The following CEP97 variants were observed in gnomAD, a reference collection of about 807,000 sequenced individuals.
CEP97 encodes centrosomal protein of 97 kDa.
In CEP97, 43 loss-of-function variants were observed where a neutral mutation model predicts 73.1. The ratio of observed to expected loss-of-function variants is 0.59; its 90% CI spans 0.46 to 0.76. CEP97 has a LOEUF of 0.76. Among genes scored for constraint, CEP97 ranks in the 30% least tolerant of loss-of-function variants. The pLI is 0.00. For synonymous variants in CEP97, 337 were observed against 370.0 expected (o/e 0.91, Z 1.02); for missense variants, 939 against 1,014.0 (o/e 0.93, Z 1.00).
chr3:101,745,282 A>G (rs758460417), intron 6 of CEP97, among the ~76,000 whole-genome samples: 73 of 152,240 alleles, frequency 4.8e-4, no homozygotes, highest in Non-Finnish European at 9.3e-4. Context: ...ATTTTCAGAG[A>G]TGGGGTCTCA....
chr3:101,755,636 A>G lies in CEP97; in HGVS notation c.893+42A>G, dbSNP rs746037362. On this transcript the variant is annotated intron_variant, in intron 7 of 10. Transcript: ENST00000341893. ...CTAACAACTGATGAATTCACAAGTT[A>G]AAATACCTCTGAGTCTTTGCTATGG... The G allele has an allele frequency of 7.5e-6, 12 of 1,591,088 alleles. No individual in the cohort carries two copies. In the Admixed American group the frequency reaches 1.7e-4, roughly 22 times the overall value.
In CEP97 at chr3:101,765,115, A is replaced by G. The variant is rs994552095; in HGVS notation, c.2162A>G (p.Glu721Gly). The G allele has an allele frequency of 6.2e-7, 1 of 1,614,068 alleles. No individual in the cohort carries two copies. Among genetic ancestry groups the G allele is most frequent in the African/African-American group, 1.3e-5 (1 of 74,928 alleles). The change falls in exon 11 of 11, where the codon GAG (glutamate) becomes GGG (glycine). Residue 721 changes from glutamate to glycine, a missense_variant. Glu to Gly is a moderately conservative substitution (Grantham distance 98). Transcript: ENST00000341893. ...VHSLQHSLDF[E>G]KSSTEGSESS... ...TCATTGCAGCATTCTTTGGATTTTGAGAAAAGTTCCACAGAAGGCAGTGAA... is the reference window on the plus strand; with the variant it reads ...TCATTGCAGCATTCTTTGGATTTTGGGAAAAGTTCCACAGAAGGCAGTGAA...
At position 101,762,528 on chromosome 3, in the gene CEP97, C is replaced by T. The variant is rs1412579616; in HGVS notation, c.1861C>T (p.Gln621Ter). 2 of 1,611,006 alleles carry T rather than the reference C, an allele frequency of 1.2e-6. No homozygotes were observed. The highest frequency in any genetic ancestry group is 2.2e-5 in the East Asian group (1 of 44,704). ...TGAAGAACGTATTAAAAAATTTGTA[C>T]AAGAAGAAGCTTTCAGATTCCTTTG... ...RDEERIKKFV[Q>*]EEAFRFLWNQ... Residue 621 changes from glutamine (Q) to a stop codon, truncating the protein, a stop_gained, in exon 10 of 11, where the codon CAA becomes TAA. Transcript: ENST00000341893. LOFTEE classifies it low-confidence loss of function (END_TRUNC).
Position 101,765,088 on chromosome 3 carries a change from A to C in CEP97, c.2135A>C (p.His712Pro). ...CATTCCTCTCTAACAGAACAAGTTC[A>C]TTCATTGCAGCATTCTTTGGATTTT... ...GFHSSLTEQV[H>P]SLQHSLDFEK... The change falls in exon 11 of 11, where the codon CAT (histidine) becomes CCT (proline). Residue 712 changes from histidine (H) to proline (P), a missense_variant. His to Pro is a moderately conservative substitution (Grantham distance 77). Coordinates refer to ENST00000341893, the MANE Select transcript of CEP97 (RefSeq NM_024548.4). The C allele has an allele frequency of 6.2e-7, 1 of 1,614,202 alleles. No homozygotes were observed. The highest frequency in any genetic ancestry group is 1.1e-5 in the South Asian group (1 of 91,082).
intron 6 of CEP97, among the ~76,000 whole-genome samples, chr3:101,744,774 T>C (rs1295447781): frequency 6.6e-6 from 1 of 152,084 alleles, no homozygotes; most frequent in African/African-American, 2.4e-5. Flanking sequence ...TAAAAATCGG[T>C]GTTTGGCCTG....
chr3:101,735,633 G>A (rs1270680097), intron 6 of CEP97, among the ~76,000 whole-genome samples: 2 of 152,146 alleles, frequency 1.3e-5, no homozygotes, highest in Non-Finnish European at 2.9e-5. Context: ...AAGCCGTGAG[G>A]GACTGTGCTG....
intron 9 of CEP97, among the ~76,000 whole-genome samples, chr3:101,760,615 C>A (rs1023070333): frequency 5.3e-5 from 8 of 151,980 alleles, no homozygotes; most frequent in Non-Finnish European, 1.0e-4. Flanking sequence ...GATCATAGCT[C>A]ACTGTAATCT....
rs147345452 is a variant in CEP97, at chr3:101,758,277, A to G, written c.1671A>G (p.Lys557=). 14 of 1,614,122 alleles carry G rather than the reference A, an allele frequency of 8.7e-6. No homozygotes were observed. The African/African-American group carries it at 1.9e-4, about 22-fold the overall frequency. ...ALGQDKVALQ[K]LNDAATKLQA... ...GACAAGACAAAGTTGCCCTTCAGAA[A>G]TTAAATGATGCAGCCACCAAGCTTC... Residue 557 remains lysine (K), a synonymous_variant, in exon 9 of 11, where the codon AAA becomes AAG. Coordinates refer to ENST00000341893, the MANE Select transcript of CEP97 (RefSeq NM_024548.4).
rs929299074 is a variant in CEP97 at position 101,768,105 on chromosome 3, A to G, written c.*2554A>G. The stretch of plus-strand genomic sequence containing the variant: ...TAGTACACATCAGTTCTCTTGATTT[A>G]TGGAAGATTCAGTTTATCAATTAAG... On this transcript the variant is annotated 3_prime_UTR_variant, in exon 11 of 11. Transcript: ENST00000341893. The G allele has an allele frequency of 6.6e-6, 1 of 152,138 alleles. No individual in the cohort carries two copies. Among genetic ancestry groups the G allele is most frequent in the Non-Finnish European group, 1.5e-5 (1 of 68,014 alleles). The allele number at this position is 152,138 out of a possible 1,614,324, so 9.4% of individuals were successfully genotyped here.
chr3:101,748,933 C>A (rs1260575993), intron 6 of CEP97, among the ~76,000 whole-genome samples: 2 of 152,132 alleles, frequency 1.3e-5, no homozygotes, highest in Non-Finnish European at 2.9e-5. Context: ...AGCCACTGCG[C>A]CCGGCCCATG....
At chr3:101,754,916 G>GGGTGGACTATAAGGTT (rs1275049459) in intron 6 of CEP97, among the ~76,000 whole-genome samples, 1 of 149,172 alleles carries the variant, frequency 6.7e-6, no homozygotes, top group East Asian at 2.0e-4. Flanking sequence ...TTTTTTTGAG[G>GGGTGGACTATAAGGTT]GGTGGACTAT....
At position 101,755,771 on chromosome 3, in the gene CEP97, A is replaced by T. The variant is rs1346117081; in HGVS notation, c.893+177A>T. 2.0e-5 allele frequency among the ~76,000 whole-genome samples: 3 copies of T among 152,206 alleles called. No individual in the cohort carries two copies. In the East Asian group the frequency reaches 5.8e-4, roughly 29 times the overall value. On this transcript the variant is annotated intron_variant, in intron 7 of 10. Transcript: ENST00000341893. ...CTGAATCGTGCACTGCAAACAGCCA[A>T]ACAATATGGTATGGAGGAATAGAGG... is the stretch of plus-strand genomic sequence containing the variant.
chr3:101,737,902 A>G (rs181054584), intron 6 of CEP97, among the ~76,000 whole-genome samples: 1 of 151,812 alleles, frequency 6.6e-6, no homozygotes, highest in East Asian at 1.9e-4. Flanking sequence ...GGCAAATTGG[A>G]TAAAGAATCA....
Position 101,765,358 on chromosome 3 carries a change from T to C in CEP97, c.2405T>C (p.Ile802Thr). ...GAGACAAGAGATAGCAAACTTCACATTGCTTGTTTCCCAGTACAGTTAGAT... is the reference window on the plus strand; with the variant it reads ...GAGACAAGAGATAGCAAACTTCACACTGCTTGTTTCCCAGTACAGTTAGAT... ...DTETRDSKLH[I>T]ACFPVQLDTL... Residue 802 changes from isoleucine to threonine, a missense_variant, in exon 11 of 11, where the codon ATT (isoleucine) becomes ACT (threonine). By Grantham distance (89) the Ile-to-Thr change is moderately conservative. Transcript: ENST00000341893. The C allele has an allele frequency of 1.2e-6, 2 of 1,614,168 alleles. No homozygotes were observed. Among genetic ancestry groups the C allele is most frequent in the Non-Finnish European group, 1.7e-6 (2 of 1,180,026 alleles).
intron 6 of CEP97, among the ~76,000 whole-genome samples, chr3:101,752,541 C>G (rs114113272): frequency 0.064 from 9,752 of 152,128 alleles, 331 homozygotes; most frequent in Middle Eastern, 0.12. Context: ...CTAATCAGAC[C>G]TAGATTTGGT....
Position 101,765,418 on chromosome 3 carries a change from A to G in CEP97, c.2465A>G (p.His822Arg), listed in dbSNP as rs1356997466. 1 of 1,614,174 alleles carries G rather than the reference A, an allele frequency of 6.2e-7. No homozygotes were observed. Among genetic ancestry groups the G allele is most frequent in the Non-Finnish European group, 8.5e-7 (1 of 1,180,016 alleles). ...LSDGASVDES[H>R]GISPPLQGEI... is the part of the protein sequence containing the mutation. The stretch of plus-strand genomic sequence containing the variant: ...GACGGTGCTTCTGTAGATGAGAGTC[A>G]TGGCATATCTCCTCCTTTGCAAGGT... The change falls in exon 11 of 11, where the codon CAT (histidine) becomes CGT (arginine). Residue 822 changes from histidine (H) to arginine (R), a missense_variant. Transcript: ENST00000341893.
At chr3:101,751,087 T>C (rs1938798607) in intron 6 of CEP97, among the ~76,000 whole-genome samples, 2 of 152,350 alleles carry the variant, frequency 1.3e-5, no homozygotes, top group South Asian at 4.1e-4. Flanking sequence ...GCTTTGAATG[T>C]GTGCCAGAGA....
intron 6 of CEP97, among the ~76,000 whole-genome samples, chr3:101,750,423 T>C (rs1445621638): frequency 6.6e-6 from 1 of 152,066 alleles, no homozygotes; most frequent in African/African-American, 2.4e-5. Flanking sequence ...TGAAGTCAGG[T>C]AGTGTGATGC....
chr3:101,744,166 C>T (rs944047159), intron 6 of CEP97, among the ~76,000 whole-genome samples: 1 of 151,984 alleles, frequency 6.6e-6, no homozygotes, highest in South Asian at 2.1e-4. Context: ...AATTTTACTT[C>T]ACATGTATAC....
Sources: gnomAD v4.1 joint callset for allele counts (sites outside exome capture counted in the v4.1 genomes callset) on GRCh38, gnomAD v4.1.1 for gene constraint, MANE v1.5 for transcripts, NCBI Gene and HGNC (gene_info 2026-07-23, HGNC 2026-07-21) for gene names.